Variants in LY6G6C observed in about 807,000 individuals in gnomAD.
LY6G6C encodes lymphocyte antigen 6 family member G6C.
LY6G6C carries 12 observed loss-of-function variants against 12.8 expected under a neutral mutation model. That is an observed-to-expected ratio of 0.94 (90% CI 0.60 to 1.52). The LOEUF is 1.52. Ranked by LOEUF, LY6G6C falls within the 40% of genes most tolerant of loss-of-function variation. The probability of loss-of-function intolerance (pLI) is 0.00; values close to 1 mark genes in which losing one functional copy is unlikely to be tolerated. For missense variants in LY6G6C, 125 were observed against 155.8 expected (o/e 0.80, Z 1.05); for synonymous variants, 42 against 61.6 (o/e 0.68, Z 1.49).
Position 31,719,301 on chromosome 6 carries a change from C to G in LY6G6C, c.173G>C (p.Trp58Ser), listed in dbSNP as rs369832347. 2 of 1,614,026 alleles carry G rather than the reference C, an allele frequency of 1.2e-6. No individual in the cohort carries two copies. The highest frequency in any genetic ancestry group is 1.3e-5 in the African/African-American group (1 of 74,916). Residue 58 changes from tryptophan (W) to serine (S), a missense_variant, in exon 3 of 3, where the codon TGG becomes TCG. Transcript: ENST00000375819. ...LTTHAYLGKM[W>S]VFSNLRCGTP... is the part of the protein sequence containing the mutation. The stretch of plus-strand genomic sequence containing the variant: ...GCCACAGCGCAGATTGGAGAAAACC[C>G]ACATCTTACCTAGGGGTGGGAATGG...
chr6:31,721,335 G>A (rs750649052), intron 1 of LY6G6C, among the ~76,000 whole-genome samples: 1 of 152,172 alleles, frequency 6.6e-6, no homozygotes, highest in South Asian at 2.1e-4. Flanking sequence ...GGATACCAGA[G>A]TTTCCAAGGA....
In LY6G6C at chr6:31,719,061, G is replaced by A. The variant is rs372870916; in HGVS notation, c.*35C>T. ...CACAGGGAGAGAGGCTCAGGCCAAGGCAGGTGGGAGGAGGGGCAGCCAATG... is the reference window on the plus strand; with the variant it reads ...CACAGGGAGAGAGGCTCAGGCCAAGACAGGTGGGAGGAGGGGCAGCCAATG... On this transcript the variant is annotated 3_prime_UTR_variant, in exon 3 of 3. Coordinates refer to ENST00000375819, the MANE Select transcript of LY6G6C (RefSeq NM_025261.3). 15 of 1,574,664 alleles carry A rather than the reference G, an allele frequency of 9.5e-6. No homozygotes were observed. The African/African-American group carries it at 1.8e-4, about 18-fold the overall frequency.
Position 31,720,271 on chromosome 6 carries a change from G to C in LY6G6C, c.53-68C>G. On this transcript the variant is annotated intron_variant, in intron 1 of 2. Coordinates refer to ENST00000375819, the MANE Select transcript of LY6G6C (RefSeq NM_025261.3). The surrounding 1 kb of genome is among the most constrained non-coding windows in gnomAD (Gnocchi z 4.9). ...TTACCTGGGGATAAGCTGAGCTGGG[G>C]GCAGGGGTGGAGGGTGGAGAAGAGC... 1 of 1,157,170 alleles carries C rather than the reference G, an allele frequency of 8.6e-7. No individual in the cohort carries two copies. Among genetic ancestry groups the C allele is most frequent in the Middle Eastern group, 2.3e-4 (1 of 4,396 alleles). The allele number at this position is 1,157,170 out of a possible 1,614,324, so 71.7% of individuals were successfully genotyped here.
rs749375292 is a variant in LY6G6C, at chr6:31,721,697, T to A, written c.-18A>T. ...GCTTTCATGGCGAGGGTCCTGAGAA[T>A]GGTGGCAACCACAGCAGCTGATAGA... On this transcript the variant is annotated 5_prime_UTR_variant, in exon 1 of 3. Coordinates refer to ENST00000375819, the MANE Select transcript of LY6G6C (RefSeq NM_025261.3). The A allele has an allele frequency of 6.2e-7, 1 of 1,613,730 alleles. No individual in the cohort carries two copies. The highest frequency in any genetic ancestry group is 8.5e-7 in the Non-Finnish European group (1 of 1,179,744).
In LY6G6C at chr6:31,719,214, T is replaced by C; in HGVS notation, c.260A>G (p.Tyr87Cys). 3.7e-6 allele frequency: 6 copies of C among 1,614,182 alleles called. No homozygotes were observed. The highest frequency in any genetic ancestry group is 1.1e-5 in the South Asian group (1 of 91,084). ...GTCCTTGTTGCAGCAGGTGGTGTTA[T>C]ATGTCAGACCCAGCTTGCGGTTGGT... is the stretch of plus-strand genomic sequence containing the variant. Reference protein sequence around the residue: ...NQTNRKLGLTYNTTCCNKDNC... With the variant: ...NQTNRKLGLTCNTTCCNKDNC... Residue 87 changes from tyrosine (Y) to cysteine (C), a missense_variant, in exon 3 of 3, where the codon TAT (tyrosine) becomes TGT (cysteine). Tyr to Cys is a radical substitution (Grantham distance 194). Transcript: ENST00000375819.
chr6:31,720,085 G>T lies in LY6G6C; in HGVS notation c.163+8C>A, dbSNP rs778154938. The T allele has an allele frequency of 1.2e-6, 2 of 1,605,466 alleles. No homozygotes were observed. Among genetic ancestry groups the T allele is most frequent in the Non-Finnish European group, 1.7e-6 (2 of 1,173,382 alleles). Reference sequence around the variant, plus strand: ...CCCTGTTCACCCCACTAAGGAAGGGGATGTTACCAAGGTATGCATGTGTTG... The same window carrying T: ...CCCTGTTCACCCCACTAAGGAAGGGTATGTTACCAAGGTATGCATGTGTTG... On this transcript the variant is annotated splice_region_variant and intron_variant, in intron 2 of 2. Transcript: ENST00000375819. The surrounding 1 kb of genome is among the most constrained non-coding windows in gnomAD (Gnocchi z 4.9).
At chr6:31,719,662 G>C (rs1034254749) in intron 2 of LY6G6C, among the ~76,000 whole-genome samples, 1 of 151,964 alleles carries the variant, frequency 6.6e-6, no homozygotes, top group Non-Finnish European at 1.5e-5. Flanking sequence ...TCAGCCTCCC[G>C]AGTAGCTGGG....
At chr6:31,719,363 G>C in intron 2 of LY6G6C, 53 bp from the exon 3 acceptor site, 1 of 1,516,428 alleles carries the variant, frequency 6.6e-7, no homozygotes, top group South Asian at 1.1e-5. Context: ...TGGCATGCCT[G>C]TGTCCACCTC....
chr6:31,721,246 G>C (rs1397960985), intron 1 of LY6G6C, among the ~76,000 whole-genome samples: 1 of 152,156 alleles, frequency 6.6e-6, no homozygotes, highest in Non-Finnish European at 1.5e-5. Flanking sequence ...ACACCTTACT[G>C]AGCACAGCAG....
chr6:31,720,410 T>C lies in LY6G6C; in HGVS notation c.53-207A>G, dbSNP rs937109852. Among the ~76,000 whole-genome samples the C allele has an allele frequency of 1.5e-4, 23 of 152,164 alleles. No individual in the cohort carries two copies. The highest frequency in any genetic ancestry group is 5.6e-4 in the African/African-American group (23 of 41,420). Reference sequence around the variant, plus strand: ...GCAGGTAAGGGTAGAGCTGTTGCTTTGTGAAAGGCCCACGCCCTACATATC... The same window carrying C: ...GCAGGTAAGGGTAGAGCTGTTGCTTCGTGAAAGGCCCACGCCCTACATATC... On this transcript the variant is annotated intron_variant, in intron 1 of 2. Transcript: ENST00000375819. This position sits in a 1 kb window ranked among gnomAD's most constrained non-coding sequence, Gnocchi z 4.9.
At chr6:31,719,718 G>T (rs1806682423) in intron 2 of LY6G6C, among the ~76,000 whole-genome samples, 1 of 152,004 alleles carries the variant, frequency 6.6e-6, no homozygotes. Flanking sequence ...TGTATATTTA[G>T]TAGAAATGGG....
At chr6:31,719,819 G>T (rs556174629) in intron 2 of LY6G6C, among the ~76,000 whole-genome samples, 70 of 152,288 alleles carry the variant, frequency 4.6e-4, no homozygotes, top group South Asian at 2.1e-3. Context: ...TTACAGGCAT[G>T]AGCCACCATG....
Position 31,720,277 on chromosome 6 carries a change from G to A in LY6G6C, c.53-74C>T. 1 of 1,040,516 alleles carries A rather than the reference G, an allele frequency of 9.6e-7. No homozygotes were observed. Among genetic ancestry groups the A allele is most frequent in the East Asian group, 2.4e-5 (1 of 41,088 alleles). 64.5% of individuals were successfully genotyped at this position (1,040,516 alleles called of 1,614,324 possible). On this transcript the variant is annotated intron_variant, in intron 1 of 2. Transcript: ENST00000375819. This position sits in a 1 kb window ranked among gnomAD's most constrained non-coding sequence, Gnocchi z 4.9. ...GGGGATAAGCTGAGCTGGGGGCAGG[G>A]GTGGAGGGTGGAGAAGAGCCCATCC...
At chr6:31,719,860 C>T (rs1339665538) in intron 2 of LY6G6C, among the ~76,000 whole-genome samples, 1 of 152,010 alleles carries the variant, frequency 6.6e-6, no homozygotes, top group Non-Finnish European at 1.5e-5. Flanking sequence ...TTTTTGAGGC[C>T]GTTTTCTCAG....
At chr6:31,721,335 G>C (rs750649052) in intron 1 of LY6G6C, among the ~76,000 whole-genome samples, 2 of 152,172 alleles carry the variant, frequency 1.3e-5, no homozygotes, top group Non-Finnish European at 2.9e-5. Flanking sequence ...GGATACCAGA[G>C]TTTCCAAGGA....
In LY6G6C at chr6:31,719,080, GC is replaced by G. The variant is rs1309413119; in HGVS notation, c.*15del. The stretch of plus-strand genomic sequence containing the variant: ...GCCAAGGCAGGTGGGAGGAGGGGCA[GC>G]CAATGGAATGAGTCTCAGTGCAGCA... On this transcript the variant is annotated 3_prime_UTR_variant, in exon 3 of 3. Transcript: ENST00000375819. 3 of 1,605,770 alleles carry G rather than the reference GC, an allele frequency of 1.9e-6. No individual in the cohort carries two copies. The highest frequency in any genetic ancestry group is 4.5e-5 in the East Asian group (2 of 44,758).
In LY6G6C at chr6:31,719,053, A is replaced by G; in HGVS notation, c.*43T>C. Reference sequence around the variant, plus strand: ...TACAGAGACACAGGGAGAGAGGCTCAGGCCAAGGCAGGTGGGAGGAGGGGC... The same window carrying G: ...TACAGAGACACAGGGAGAGAGGCTCGGGCCAAGGCAGGTGGGAGGAGGGGC... On this transcript the variant is annotated 3_prime_UTR_variant, in exon 3 of 3. Transcript: ENST00000375819. 1 of 1,542,716 alleles carries G rather than the reference A, an allele frequency of 6.5e-7. No individual in the cohort carries two copies. Among genetic ancestry groups the G allele is most frequent in the East Asian group, 2.3e-5 (1 of 44,382 alleles).
rs1186320599 is a variant in LY6G6C, at chr6:31,720,739, C to A, written c.53-536G>T. Among the ~76,000 whole-genome samples, 1 of 152,126 alleles carries A rather than the reference C, an allele frequency of 6.6e-6. No individual in the cohort carries two copies. Among genetic ancestry groups the A allele is most frequent in the East Asian group, 1.9e-4 (1 of 5,204 alleles). Reference sequence around the variant, plus strand: ...CAAGAGTGTGGCAAGAGGAACCAGACCTGAATAGAATCCTCTCACCCCAGT... The same window carrying A: ...CAAGAGTGTGGCAAGAGGAACCAGAACTGAATAGAATCCTCTCACCCCAGT... On this transcript the variant is annotated intron_variant, in intron 1 of 2. Coordinates refer to ENST00000375819, the MANE Select transcript of LY6G6C (RefSeq NM_025261.3). The surrounding 1 kb of genome is among the most constrained non-coding windows in gnomAD (Gnocchi z 4.9).
At position 31,719,119 on chromosome 6, in the gene LY6G6C, G is replaced by A. The variant is rs201509607; in HGVS notation, c.355C>T (p.Leu119Phe). 7 of 1,613,864 alleles carry A rather than the reference G, an allele frequency of 4.3e-6. No homozygotes were observed. Among genetic ancestry groups the A allele is most frequent in the Non-Finnish European group, 5.9e-6 (7 of 1,179,884 alleles). ...GLVFLTSLAGLGLWLLH is the reference protein window; with the variant it reads ...GLVFLTSLAGFGLWLLH ...TCTCAGTGCAGCAGCCAGAGGCCAA[G>A]GCCAGCCAAGGAGGTAAGGAAGACA... Residue 119 changes from leucine to phenylalanine, a missense_variant, in exon 3 of 3, where the codon CTT (leucine) becomes TTT (phenylalanine). Coordinates refer to ENST00000375819, the MANE Select transcript of LY6G6C (RefSeq NM_025261.3).
Sources: gnomAD v4.1 joint callset for allele counts (sites outside exome capture counted in the v4.1 genomes callset) on GRCh38, gnomAD v4.1.1 for gene constraint, Gnocchi (gnomAD v3.1) non-coding constraint, MANE v1.5 for transcripts, NCBI Gene and HGNC (gene_info 2026-07-23, HGNC 2026-07-21) for gene names.